The following PTPRM variants were observed in gnomAD, a reference collection of about 807,000 sequenced individuals.
The protein encoded by PTPRM is receptor-type tyrosine-protein phosphatase mu.
A neutral mutation model predicts 186.7 loss-of-function variants in PTPRM; 47 were observed. The observed-to-expected ratio is 0.25, with a 90% CI of 0.20 to 0.32. PTPRM has a LOEUF of 0.32. PTPRM is among the 10% of genes least tolerant of loss of function. The pLI is 1.00. For missense variants in PTPRM, 1,494 were observed against 1,865.0 expected, an observed-to-expected ratio of 0.80 and a Z score of 3.66; for synonymous variants, 668 against 674.9, an observed-to-expected ratio of 0.99 and a Z score of 0.16.
chr18:8,226,367 T>C (rs912679408), intron 14 of PTPRM, among the ~76,000 whole-genome samples: 1 of 151,388 alleles, frequency 6.6e-6, no homozygotes, highest in Non-Finnish European at 1.5e-5. Flanking sequence ...AACCTTTCAC[T>C]ACCAGTATAC....
intron 24 of PTPRM, among the ~76,000 whole-genome samples, chr18:8,375,275 C>T (rs898675722): frequency 3.3e-5 from 5 of 152,166 alleles, no homozygotes; most frequent in East Asian, 3.8e-4. Context: ...AAATATCTTT[C>T]GATTCCCATA....
In PTPRM at chr18:7,945,787, C is replaced by A. The variant is rs140983905; in HGVS notation, c.664-3394C>A. 8.1e-3 allele frequency among the ~76,000 whole-genome samples: 1,236 copies of A among 152,034 alleles called. 7 individuals carry two copies. The highest frequency in any genetic ancestry group is 0.032 in the South Asian group (155 of 4,808). Reference sequence around the variant, plus strand: ...GCTCTCTTATATGATATAGTGTGTGCCCCATAAAAGACTGTCACTGAATAT... The same window carrying A: ...GCTCTCTTATATGATATAGTGTGTGACCCATAAAAGACTGTCACTGAATAT... On this transcript the variant is annotated intron_variant, in intron 5 of 32. Coordinates refer to ENST00000580170, the MANE Select transcript of PTPRM (RefSeq NM_001105244.2).
At chr18:7,831,260 C>A (rs2045745755) in intron 2 of PTPRM, among the ~76,000 whole-genome samples, 1 of 152,048 alleles carries the variant, frequency 6.6e-6, no homozygotes, top group Non-Finnish European at 1.5e-5. Context: ...TCTTGGGGAG[C>A]AACTCTGCCT....
chr18:7,853,994 C>G (rs1017648248), intron 2 of PTPRM, among the ~76,000 whole-genome samples: 12 of 152,160 alleles, frequency 7.9e-5, no homozygotes. Context: ...TCTGTTGGAC[C>G]TAGACTGCTG....
intron 1 of PTPRM, among the ~76,000 whole-genome samples, chr18:7,688,522 G>A (rs2039660652): frequency 1.3e-5 from 2 of 152,176 alleles, no homozygotes; most frequent in East Asian, 1.9e-4. Flanking sequence ...TGCGAAGGTC[G>A]AGGACAGGTT....
At chr18:8,401,629 G>C (rs949220041) in intron 32 of PTPRM, among the ~76,000 whole-genome samples, 28 of 152,340 alleles carry the variant, frequency 1.8e-4, no homozygotes, top group African/African-American at 5.8e-4. Flanking sequence ...GGCCGTTGAT[G>C]TGGTGTTTGA....
chr18:7,591,430 A>G (rs367796170), intron 1 of PTPRM, among the ~76,000 whole-genome samples: 1 of 152,152 alleles, frequency 6.6e-6, no homozygotes, highest in South Asian at 2.1e-4. Flanking sequence ...TGGGCCACTA[A>G]TTGATATCCC....
At chr18:7,658,714 A>C (rs538988245) in intron 1 of PTPRM, among the ~76,000 whole-genome samples, 8 of 152,226 alleles carry the variant, frequency 5.3e-5, no homozygotes, top group African/African-American at 1.9e-4. Context: ...AGCTGAGGAC[A>C]TGAGAACATG....
intron 7 of PTPRM, among the ~76,000 whole-genome samples, chr18:8,008,355 A>G (rs560625292): frequency 6.6e-6 from 1 of 152,346 alleles, no homozygotes; most frequent in South Asian, 2.1e-4. Context: ...TTAAAGGCTG[A>G]CGAAGAAGGT....
intron 2 of PTPRM, among the ~76,000 whole-genome samples, chr18:7,858,829 A>G (rs2047211724): frequency 6.6e-6 from 1 of 152,224 alleles, no homozygotes; most frequent in South Asian, 2.1e-4. Flanking sequence ...AGTGCCAGTT[A>G]GTATGTTGAT....
intron 7 of PTPRM, among the ~76,000 whole-genome samples, chr18:8,012,151 A>G (rs1273307081): frequency 6.6e-6 from 1 of 152,204 alleles, no homozygotes; most frequent in Non-Finnish European, 1.5e-5. Flanking sequence ...ACTATAGTGA[A>G]TTCTCACCTT....
At chr18:8,402,535 A>G (rs893753847) in intron 32 of PTPRM, among the ~76,000 whole-genome samples, 4 of 152,230 alleles carry the variant, frequency 2.6e-5, no homozygotes, top group Non-Finnish European at 4.4e-5. Flanking sequence ...GGCTCTGAGT[A>G]GCCACTGAAA....
At chr18:7,887,715 A>G (rs762159164) in intron 2 of PTPRM, among the ~76,000 whole-genome samples, 5 of 152,216 alleles carry the variant, frequency 3.3e-5, no homozygotes, top group African/African-American at 4.8e-5. Flanking sequence ...ACACGTGGCT[A>G]TTGAGCACTT....
At chr18:8,054,298 A>AATATATATATAT (rs34903203) in intron 7 of PTPRM, among the ~76,000 whole-genome samples, 19 of 131,706 alleles carry the variant, frequency 1.4e-4, no homozygotes, top group African/African-American at 4.6e-4. Context: ...TAGTAGTAGT[A>AATATATATATAT]ATATATATAT....
At chr18:8,160,761 C>T (rs575501128) in intron 14 of PTPRM, among the ~76,000 whole-genome samples, 3 of 152,202 alleles carry the variant, frequency 2.0e-5, no homozygotes, top group Non-Finnish European at 2.9e-5. Context: ...CAGCTCTTCT[C>T]GCTGTTAGCT....
intron 7 of PTPRM, among the ~76,000 whole-genome samples, chr18:8,040,892 T>C (rs147575873): frequency 2.8e-3 from 431 of 152,346 alleles, no homozygotes; most frequent in Non-Finnish European, 4.3e-3. Flanking sequence ...TTTAAAAAAT[T>C]AACTCTGCTA....
chr18:8,200,965 G>GT (rs1412979851), intron 14 of PTPRM, among the ~76,000 whole-genome samples: 3 of 152,224 alleles, frequency 2.0e-5, no homozygotes, highest in African/African-American at 7.2e-5. Flanking sequence ...GGTAAAATAA[G>GT]TTTTTTCTCC....
At chr18:7,831,083 T>C (rs1198301506) in intron 2 of PTPRM, among the ~76,000 whole-genome samples, 1 of 152,174 alleles carries the variant, frequency 6.6e-6, no homozygotes, top group Non-Finnish European at 1.5e-5. Context: ...TGGAGATGAT[T>C]TAAGGTTTTT....
At chr18:7,784,353 C>A (rs1380996911) in intron 2 of PTPRM, among the ~76,000 whole-genome samples, 1 of 152,104 alleles carries the variant, frequency 6.6e-6, no homozygotes, top group African/African-American at 2.4e-5. Flanking sequence ...TGGACACACA[C>A]CATTGCTCCA....
Sources: gnomAD v4.1 joint callset for allele counts (sites outside exome capture counted in the v4.1 genomes callset) on GRCh38, gnomAD v4.1.1 for gene constraint, MANE v1.5 for transcripts, NCBI Gene and HGNC (gene_info 2026-07-23, HGNC 2026-07-21) for gene names.